Variants in LDHC observed in about 807,000 individuals in gnomAD.
The protein encoded by LDHC is lactate dehydrogenase C, also known as L-lactate dehydrogenase C chain.
LDHC carries 20 observed loss-of-function variants against 30.2 expected under a neutral mutation model. The observed-to-expected ratio is 0.66, with a 90% CI of 0.47 to 0.96. LDHC has a LOEUF of 0.96. Ranked by LOEUF, LDHC falls within the 40% of genes least tolerant of loss-of-function variation. The probability of loss-of-function intolerance (pLI) is 0.00; values close to 1 mark genes in which losing one functional copy is unlikely to be tolerated. For missense variants in LDHC, 362 were observed against 394.9 expected (o/e 0.92, Z 0.71); for synonymous variants, 139 against 132.7 (o/e 1.05, Z -0.32).
Position 18,429,893 on chromosome 11 carries a change from T to G in LDHC, c.401T>G (p.Leu134Arg), listed in dbSNP as rs897430363. 1.9e-6 allele frequency: 3 copies of G among 1,606,870 alleles called. No individual in the cohort carries two copies. The highest frequency in any genetic ancestry group is 2.7e-5 in the African/African-American group (2 of 74,802). ...IVHYSPDCKI[L>R]VVSNPVDILT... ...CATTATAGTCCTGATTGTAAAATTC[T>G]TGTTGTTTCAAATCCAGGTGAGTCT... The change falls in exon 4 of 8, where the codon CTT becomes CGT. Residue 134 changes from leucine to arginine, a missense_variant. Transcript: ENST00000541669.
At chr11:18,416,019 T>G (rs968206557) in intron 3 of LDHC, among the ~76,000 whole-genome samples, 3 of 152,282 alleles carry the variant, frequency 2.0e-5, no homozygotes, top group Middle Eastern at 3.4e-3. Flanking sequence ...AAAAAGTTAA[T>G]TTTTTTAAAA....
At chr11:18,427,395 C>T (rs1325486041) in intron 3 of LDHC, among the ~76,000 whole-genome samples, 4 of 151,982 alleles carry the variant, frequency 2.6e-5, no homozygotes, top group South Asian at 2.1e-4. Context: ...AACAAAAAAA[C>T]GCTATTAGCT....
At chr11:18,425,958 A>G (rs1321545866) in intron 3 of LDHC, among the ~76,000 whole-genome samples, 1 of 152,032 alleles carries the variant, frequency 6.6e-6, no homozygotes, top group East Asian at 1.9e-4. Flanking sequence ...AAAAGAAAAA[A>G]GAAAAAAGAA....
chr11:18,451,765 C>T lies in LDHC; in HGVS notation c.*638C>T, dbSNP rs1240887507. ...AGGAGTTTGAGACCAGCCTTGGCAACATAGCAACACCCCATCTCTACAAAA... is the reference window on the plus strand; with the variant it reads ...AGGAGTTTGAGACCAGCCTTGGCAATATAGCAACACCCCATCTCTACAAAA... On this transcript the variant is annotated 3_prime_UTR_variant, in exon 8 of 8. Coordinates refer to ENST00000541669, the MANE Select transcript of LDHC (RefSeq NM_017448.5). 2 of 152,276 alleles carry T rather than the reference C, an allele frequency of 1.3e-5. No individual in the cohort carries two copies. Among genetic ancestry groups the T allele is most frequent in the East Asian group, 3.9e-4 (2 of 5,182 alleles). The allele number at this position is 152,276 out of a possible 1,614,324, so 9.4% of individuals were successfully genotyped here.
At chr11:18,437,595 A>G (rs993152641) in intron 5 of LDHC, among the ~76,000 whole-genome samples, 2 of 152,120 alleles carry the variant, frequency 1.3e-5, no homozygotes, top group African/African-American at 4.8e-5. Context: ...TACTAAAAAT[A>G]CAAAAAATTA....
rs141796090 is a variant in LDHC at position 18,451,274 on chromosome 11, C to A, written c.*147C>A. 3.7e-4 allele frequency: 188 copies of A among 513,960 alleles called. No individual in the cohort carries two copies. The highest frequency in any genetic ancestry group is 3.2e-3 in the African/African-American group (160 of 49,572). The allele number at this position is 513,960 out of a possible 1,614,324, so 31.8% of individuals were successfully genotyped here. A position where few individuals can be genotyped will look rare whatever the true frequency, so the allele number is the denominator to read the frequency against. On this transcript the variant is annotated 3_prime_UTR_variant, in exon 8 of 8. Transcript: ENST00000541669. ...TAACTCTAGTCTCTCAAGATTAGAACGAGCAAATGGTAAAGAGATTTTCCT... is the reference window on the plus strand; with the variant it reads ...TAACTCTAGTCTCTCAAGATTAGAAAGAGCAAATGGTAAAGAGATTTTCCT...
At chr11:18,439,383 T>C (rs147387481) in intron 6 of LDHC, among the ~76,000 whole-genome samples, 2,292 of 151,400 alleles carry the variant, frequency 0.015, 60 homozygotes, top group African/African-American at 0.052. Flanking sequence ...AACAACATGG[T>C]AAAACCCCAT....
intron 6 of LDHC, among the ~76,000 whole-genome samples, chr11:18,440,144 C>CGA (rs1359242023): frequency 2.4e-5 from 2 of 83,062 alleles, no homozygotes; most frequent in African/African-American, 8.2e-5. Flanking sequence ...TACTAAAATA[C>CGA]AAAAAAAAAA....
intron 6 of LDHC, among the ~76,000 whole-genome samples, chr11:18,440,217 G>A (rs935776194): frequency 1.3e-5 from 2 of 151,664 alleles, no homozygotes; most frequent in African/African-American, 2.4e-5. Flanking sequence ...AGGAGGCTGC[G>A]GCAGGAGAAT....
At chr11:18,430,300 T>C (rs892383779) in intron 4 of LDHC, among the ~76,000 whole-genome samples, 1 of 152,148 alleles carries the variant, frequency 6.6e-6, no homozygotes, top group African/African-American at 2.4e-5. Context: ...AGTGCCAAAG[T>C]ATTCTTTTGT....
chr11:18,434,260 T>C (rs1848318659), intron 4 of LDHC, among the ~76,000 whole-genome samples: 1 of 152,022 alleles, frequency 6.6e-6, no homozygotes, highest in Non-Finnish European at 1.5e-5. Context: ...CGCCTTTCTC[T>C]GGTCCCTCCC....
At chr11:18,416,882 T>G (rs1042717289) in intron 3 of LDHC, among the ~76,000 whole-genome samples, 11 of 151,386 alleles carry the variant, frequency 7.3e-5, no homozygotes, top group African/African-American at 2.7e-4. Context: ...GAGTGGCTAT[T>G]TATTTACTTA....
chr11:18,450,901 C>T (rs981695298), intron 7 of LDHC, 62 bp from the exon 8 acceptor site: 6 of 1,234,278 alleles, frequency 4.9e-6, no homozygotes, highest in African/African-American at 4.7e-5. Flanking sequence ...ATTTTGATGC[C>T]CTTTTGCATA....
At chr11:18,428,166 CTTTTTTT>C (rs35861956) in intron 3 of LDHC, among the ~76,000 whole-genome samples, 14 of 94,838 alleles carry the variant, frequency 1.5e-4, no homozygotes, top group African/African-American at 3.9e-4. Context: ...CTTTCTCTCT[CTTTTTTT>C]TTTTTTTTTT....
chr11:18,449,232 T>C (rs1172032356), intron 7 of LDHC, among the ~76,000 whole-genome samples: 1 of 150,010 alleles, frequency 6.7e-6, no homozygotes, highest in African/African-American at 2.5e-5. Context: ...AGAGAGGGAG[T>C]TGGAGACCAA....
At chr11:18,419,008 T>G (rs1341964007) in intron 3 of LDHC, among the ~76,000 whole-genome samples, 1 of 152,102 alleles carries the variant, frequency 6.6e-6, no homozygotes, top group Non-Finnish European at 1.5e-5. Context: ...GACATCAATT[T>G]TGGTTTTCAC....
chr11:18,415,215 T>C lies in LDHC; in HGVS notation c.158T>C (p.Val53Ala), dbSNP rs776379979. 2.3e-5 allele frequency: 37 copies of C among 1,607,624 alleles called. No individual in the cohort carries two copies. In the East Asian group the frequency reaches 4.7e-4, roughly 20 times the overall value. Residue 53 changes from valine (V) to alanine (A), a missense_variant, in exon 3 of 8, where the codon GTT becomes GCT. Transcript: ENST00000541669. ...GCTGATGAACTTGCCCTTGTTGATG[T>C]TGCATTGGACAAACTGAAGGGAGAA... is the stretch of plus-strand genomic sequence containing the variant. ...DLADELALVD[V>A]ALDKLKGEMM...
chr11:18,416,461 T>C (rs1051245666), intron 3 of LDHC, among the ~76,000 whole-genome samples: 9 of 152,216 alleles, frequency 5.9e-5, no homozygotes, highest in African/African-American at 2.2e-4. Flanking sequence ...ACAGATATAC[T>C]TTCTACTAGA....
Position 18,449,761 on chromosome 11 carries a change from G to A in LDHC, c.835-1202G>A, listed in dbSNP as rs115105786. ...TTACTAGAGCAAAACAGGAACAAGG[G>A]GCACACCTTGTGCTCCTGAGTAGAG... On this transcript the variant is annotated intron_variant, in intron 7 of 7. Transcript: ENST00000541669. Among the ~76,000 whole-genome samples, 501 of 152,270 alleles carry A rather than the reference G, an allele frequency of 3.3e-3. 5 individuals carry two copies. Among genetic ancestry groups the A allele is most frequent in the African/African-American group, 0.012 (485 of 41,552 alleles).
Sources: gnomAD v4.1 joint callset for allele counts (sites outside exome capture counted in the v4.1 genomes callset) on GRCh38, gnomAD v4.1.1 for gene constraint, MANE v1.5 for transcripts, NCBI Gene and HGNC (gene_info 2026-07-23, HGNC 2026-07-21) for gene names.